HIVEP3: variants seen among roughly 807,000 people sequenced by gnomAD.
The protein encoded by HIVEP3 is transcription factor HIVEP3.
HIVEP3 carries 49 observed loss-of-function variants against 152.8 expected under a neutral mutation model. That is an observed-to-expected ratio of 0.32 (90% confidence interval 0.26 to 0.41). The LOEUF is 0.41. HIVEP3 is among the 10% of genes least tolerant of loss of function. The probability of loss-of-function intolerance (pLI) is 1.00; values close to 1 mark genes in which losing one functional copy is unlikely to be tolerated. For synonymous variants in HIVEP3, 1,269 were observed against 1,289.0 expected, an observed-to-expected ratio of 0.98 and a Z score of 0.33; for missense variants, 2,790 against 3,103.3, an observed-to-expected ratio of 0.90 and a Z score of 2.40.
chr1:41,853,205 T>C (rs1643652582), intron 1 of HIVEP3, among the ~76,000 whole-genome samples: 2 of 152,210 alleles, frequency 1.3e-5, no homozygotes, highest in South Asian at 2.1e-4. Flanking sequence ...AATGTTGCTA[T>C]GATGTAATGA....
intron 1 of HIVEP3, among the ~76,000 whole-genome samples, chr1:41,970,450 C>T (rs1645222619): frequency 6.6e-6 from 1 of 152,258 alleles, no homozygotes; most frequent in African/African-American, 2.4e-5. Flanking sequence ...GAACACCAAA[C>T]ACCACATATT....
At chr1:41,888,838 A>T (rs902340203) in intron 1 of HIVEP3, among the ~76,000 whole-genome samples, 10 of 139,280 alleles carry the variant, frequency 7.2e-5, no homozygotes, top group Non-Finnish European at 4.6e-5. Flanking sequence ...TACCACACAC[A>T]CATGCCCCCA....
chr1:41,559,765 C>A (rs1420656302), intron 5 of HIVEP3, among the ~76,000 whole-genome samples: 1 of 152,184 alleles, frequency 6.6e-6, no homozygotes, highest in Non-Finnish European at 1.5e-5. Context: ...TCCTTACTGG[C>A]AAATGAGGAA....
chr1:41,732,085 A>G (rs1558219902), intron 1 of HIVEP3, among the ~76,000 whole-genome samples: 1 of 152,160 alleles, frequency 6.6e-6, no homozygotes, highest in Non-Finnish European at 1.5e-5. Context: ...GTGGGGAATG[A>G]CAGGTGCAGA....
chr1:41,574,601 T>G (rs571467662), intron 5 of HIVEP3, among the ~76,000 whole-genome samples: 11 of 152,286 alleles, frequency 7.2e-5, no homozygotes, highest in Admixed American at 6.5e-4. Flanking sequence ...GCTGACCCTG[T>G]GAGTTAGGCG....
At chr1:42,035,644 G>A (rs1376388575) in intron 1 of HIVEP3, among the ~76,000 whole-genome samples, 1 of 151,938 alleles carries the variant, frequency 6.6e-6, no homozygotes, top group African/African-American at 2.4e-5. Flanking sequence ...GCCGGCGCCC[G>A]GAGGCGTTGG....
intron 1 of HIVEP3, among the ~76,000 whole-genome samples, chr1:41,812,490 T>C (rs185253849): frequency 8.1e-4 from 123 of 152,180 alleles, no homozygotes; most frequent in African/African-American, 2.9e-3. Context: ...GTCATGGATA[T>C]GGAATAAATA....
In HIVEP3 at chr1:41,513,773, C is replaced by T. The variant is rs375167719; in HGVS notation, c.5471-23G>A. The T allele has an allele frequency of 3.9e-6, 6 of 1,525,878 alleles. No homozygotes were observed. In the African/African-American group the frequency reaches 8.3e-5, roughly 21 times the overall value. 94.5% of individuals were successfully genotyped at this position (1,525,878 alleles called of 1,614,324 possible). On this transcript the variant is annotated intron_variant, in intron 7 of 8. Coordinates refer to ENST00000372583, the MANE Select transcript of HIVEP3 (RefSeq NM_024503.5). ...TTCCTGAGGGCAAACACAGAAGACC[C>T]AAGGTCACAGTTGGGCCTTGGCCCC... is the stretch of plus-strand genomic sequence containing the variant.
At chr1:41,795,959 A>G (rs2124305188) in intron 1 of HIVEP3, among the ~76,000 whole-genome samples, 1 of 152,162 alleles carries the variant, frequency 6.6e-6, no homozygotes, top group Middle Eastern at 3.4e-3. Context: ...TCTTTTTACT[A>G]GAGAATGGTC....
intron 5 of HIVEP3, among the ~76,000 whole-genome samples, chr1:41,539,912 C>T (rs1001347464): frequency 6.6e-6 from 1 of 152,208 alleles, no homozygotes; most frequent in Admixed American, 6.5e-5. Context: ...GAAATTATAT[C>T]GTAGAAACCT....
chr1:41,584,471 T>A lies in HIVEP3; in HGVS notation c.327A>T (p.Lys109Asn). The change falls in exon 4 of 9, where the codon AAA becomes AAT. Residue 109 changes from lysine (K) to asparagine (N), a missense_variant. By Grantham distance (94) the Lys-to-Asn change is moderately conservative (BLOSUM62 0). Transcript: ENST00000372583. The surrounding 1 kb of genome is among the most constrained non-coding windows in gnomAD (Gnocchi z 5.2). The part of the protein sequence containing the change: ...PLTPAFMSPG[K>N]PEHLLEGSTW... ...TGGACCCCTCCAGGAGATGCTCAGG[T>A]TTGCCAGGCGACATGAATGCTGGTG... The A allele has an allele frequency of 6.2e-6, 10 of 1,614,080 alleles. No homozygotes were observed. Among genetic ancestry groups the A allele is most frequent in the Non-Finnish European group, 8.5e-6 (10 of 1,179,984 alleles).
intron 1 of HIVEP3, among the ~76,000 whole-genome samples, chr1:41,772,854 C>T (rs1648464770): frequency 6.6e-6 from 1 of 152,002 alleles, no homozygotes; most frequent in Non-Finnish European, 1.5e-5. Context: ...TGCAGTGAGC[C>T]GAGATAGTGC....
intron 2 of HIVEP3, among the ~76,000 whole-genome samples, chr1:41,638,867 C>T (rs1645328342): frequency 6.6e-6 from 1 of 152,216 alleles, no homozygotes; most frequent in Non-Finnish European, 1.5e-5. Context: ...ATCCTGGATG[C>T]CTGGCAGGGG....
At chr1:41,700,335 T>C (rs1249731550) in intron 2 of HIVEP3, among the ~76,000 whole-genome samples, 1 of 152,104 alleles carries the variant, frequency 6.6e-6, no homozygotes, top group Non-Finnish European at 1.5e-5. Context: ...TGATTGCATC[T>C]GAGTTTGACT....
At chr1:41,613,390 A>G (rs1009142126) in intron 3 of HIVEP3, among the ~76,000 whole-genome samples, 10 of 152,096 alleles carry the variant, frequency 6.6e-5, no homozygotes, top group African/African-American at 2.2e-4. Flanking sequence ...TAATCTTTTC[A>G]CATGCCCATC....
intron 2 of HIVEP3, among the ~76,000 whole-genome samples, chr1:41,691,883 ATT>A (rs34731891): frequency 0.066 from 9,443 of 143,074 alleles, 599 homozygotes; most frequent in African/African-American, 0.18. Flanking sequence ...AGAGTGGTGA[ATT>A]TTTTTTTTTT....
chr1:41,695,922 C>A (rs916927992), intron 2 of HIVEP3, among the ~76,000 whole-genome samples: 1 of 152,182 alleles, frequency 6.6e-6, no homozygotes, highest in East Asian at 1.9e-4. Context: ...ATGGGAAGAG[C>A]CCTGGGCTTG....
At chr1:41,525,977 C>T (rs1159134899) in intron 5 of HIVEP3, among the ~76,000 whole-genome samples, 1 of 144,196 alleles carries the variant, frequency 6.9e-6, no homozygotes, top group East Asian at 1.9e-4. Context: ...GTGGGGCGCA[C>T]CTTCCAACGC....
At chr1:41,745,687 G>A (rs944486111) in intron 1 of HIVEP3, among the ~76,000 whole-genome samples, 15 of 152,210 alleles carry the variant, frequency 9.9e-5, no homozygotes, top group African/African-American at 3.6e-4. Flanking sequence ...GGCAGCTGAT[G>A]TCTCTGAGGA....
Sources: gnomAD v4.1 joint callset for allele counts (sites outside exome capture counted in the v4.1 genomes callset) on GRCh38, gnomAD v4.1.1 for gene constraint, Gnocchi (gnomAD v3.1) non-coding constraint, MANE v1.5 for transcripts, NCBI Gene and HGNC (gene_info 2026-07-23, HGNC 2026-07-21) for gene names.